The following LPIN2 variants were observed in gnomAD, a reference collection of about 807,000 sequenced individuals.
LPIN2 encodes lipin 2.
A neutral mutation model predicts 111.4 loss-of-function variants in LPIN2; 55 were observed. That is an observed-to-expected ratio of 0.49 (90% CI 0.40 to 0.62). LPIN2 has a LOEUF of 0.62. LPIN2 is among the 20% of genes least tolerant of loss of function. The pLI is 0.00. For synonymous variants in LPIN2, 425 were observed against 414.0 expected (o/e 1.03, Z -0.32); for missense variants, 992 against 1,112.1 (o/e 0.89, Z 1.54).
At chr18:2,986,709 C>T (rs1377922519) in intron 1 of LPIN2, among the ~76,000 whole-genome samples, 1 of 152,176 alleles carries the variant, frequency 6.6e-6, no homozygotes. Flanking sequence ...ACCCTTCCAA[C>T]ACAAATGTTT....
intron 1 of LPIN2, among the ~76,000 whole-genome samples, chr18:2,986,664 T>A (rs1046848554): frequency 4.7e-4 from 71 of 152,304 alleles, no homozygotes; most frequent in African/African-American, 1.7e-3. Context: ...CATCGCAGTT[T>A]AAGGAGCTTA....
intron 1 of LPIN2, chr18:2,982,863 GCAGA>G: frequency 2.2e-6 from 1 of 454,168 alleles, no homozygotes; most frequent in Non-Finnish European, 4.2e-6. Flanking sequence ...CAAACTGCTT[GCAGA>G]CACAGTTATA....
chr18:3,004,871 G>T (rs766720127), intron 1 of LPIN2, among the ~76,000 whole-genome samples: 1 of 152,152 alleles, frequency 6.6e-6, no homozygotes, highest in African/African-American at 2.4e-5. Context: ...GGTTTACCTT[G>T]TCCAACTCAT....
chr18:3,002,715 C>T (rs1461815194), intron 1 of LPIN2, among the ~76,000 whole-genome samples: 2 of 152,162 alleles, frequency 1.3e-5, no homozygotes, highest in Non-Finnish European at 2.9e-5. Flanking sequence ...CAATGTTTTT[C>T]TTTGAGATAA....
Position 2,951,068 on chromosome 18 carries a change from C to T in LPIN2, c.577G>A (p.Ala193Thr), listed in dbSNP as rs539324906. 7 of 1,614,018 alleles carry T rather than the reference C, an allele frequency of 4.3e-6. No homozygotes were observed. Among genetic ancestry groups the T allele is most frequent in the Admixed American group, 3.3e-5 (2 of 60,004 alleles). ...VGVSSDDDKG[A>T]QAARGSSNAS... ...TGAGAGTCCTACCGTGCTGCCTGGG[C>T]CCCCTTGTCATCATCGGAGCTCACG... The change falls in exon 4 of 20, where the codon GCC (alanine) becomes ACC (threonine). Residue 193 changes from alanine (A) to threonine (T), a missense_variant. Ala to Thr is a moderately conservative substitution (Grantham distance 58, BLOSUM62 0). Transcript: ENST00000677752.
chr18:3,007,446 C>T lies in LPIN2; in HGVS notation c.-10+5641G>A, dbSNP rs561045782. Among the ~76,000 whole-genome samples, 5 of 152,366 alleles carry T rather than the reference C, an allele frequency of 3.3e-5. No homozygotes were observed. The South Asian group carries it at 8.3e-4, about 25-fold the overall frequency. On this transcript the variant is annotated intron_variant, in intron 1 of 19. Transcript: ENST00000677752. ...TGGGCCTCCCAAAGTGCTGGGATTA[C>T]AGGCGTAAGCCACCACACCTATCCA...
chr18:3,006,400 C>G (rs570009137), intron 1 of LPIN2, among the ~76,000 whole-genome samples: 1 of 152,274 alleles, frequency 6.6e-6, no homozygotes, highest in South Asian at 2.1e-4. Context: ...GAAGATCAGT[C>G]CTTTCTTACA....
chr18:2,986,827 C>T (rs1482752524), intron 1 of LPIN2, among the ~76,000 whole-genome samples: 1 of 152,168 alleles, frequency 6.6e-6, no homozygotes, highest in Non-Finnish European at 1.5e-5. Context: ...AGCTGAACAG[C>T]CTAATTTAGG....
rs1339328320 is a variant in LPIN2, at chr18:2,928,665, G to C, written c.1551-5C>G. ...GCCAAAGCCCAGTTATAGTAACTGT[G>C]AGAAACAAAAATTGTGCAAAACCAT... On this transcript the variant is annotated splice_region_variant and splice_polypyrimidine_tract_variant and intron_variant, in intron 10 of 19. Coordinates refer to ENST00000677752, the MANE Select transcript of LPIN2 (RefSeq NM_001375808.2). 1 of 1,605,832 alleles carries C rather than the reference G, an allele frequency of 6.2e-7. No individual in the cohort carries two copies. Among genetic ancestry groups the C allele is most frequent in the East Asian group, 2.3e-5 (1 of 44,390 alleles).
chr18:2,920,302 G>C lies in LPIN2; in HGVS notation c.2682C>G (p.Asp894Glu). ...RDPIPEVDLD[D>E]LS The stretch of plus-strand genomic sequence containing the variant: ...CCACTGAGGTGCCGCCTCAAGACAG[G>C]TCATCCAGGTCCACTTCAGGGATCG... Residue 894 changes from aspartate (D) to glutamate (E), a missense_variant, in exon 20 of 20, where the codon GAC becomes GAG. Physicochemically the swap from Asp to Glu is conservative, Grantham distance 45. Around this residue, in one of 4 missense-constraint regions of LPIN2, gnomAD observed 185 missense variants for 186.5 expected, o/e 0.99. Coordinates refer to ENST00000677752, the MANE Select transcript of LPIN2 (RefSeq NM_001375808.2). 1 of 1,614,160 alleles carries C rather than the reference G, an allele frequency of 6.2e-7. No individual in the cohort carries two copies. Among genetic ancestry groups the C allele is most frequent in the Non-Finnish European group, 8.5e-7 (1 of 1,180,044 alleles).
At chr18:3,003,838 G>A (rs374302377) in intron 1 of LPIN2, among the ~76,000 whole-genome samples, 1 of 152,156 alleles carries the variant, frequency 6.6e-6, no homozygotes, top group East Asian at 1.9e-4. Flanking sequence ...CTGCCTGCGG[G>A]GTCGGGCAGA....
chr18:2,950,887 T>C (rs536136817), intron 4 of LPIN2, among the ~76,000 whole-genome samples, 168 bp downstream of exon 4: 1 of 152,292 alleles, frequency 6.6e-6, no homozygotes, highest in South Asian at 2.1e-4. Context: ...TATAGAATAG[T>C]TGAAAGGAAC....
At chr18:2,958,158 C>CAA (rs1555678271) in intron 2 of LPIN2, among the ~76,000 whole-genome samples, 7 of 35,362 alleles carry the variant, frequency 2.0e-4, no homozygotes, top group South Asian at 2.1e-3. Context: ...AAAAAAAAAA[C>CAA]AACAAAAAAA....
chr18:3,012,575 G>T (rs2078623814), intron 1 of LPIN2, among the ~76,000 whole-genome samples: 1 of 152,206 alleles, frequency 6.6e-6, no homozygotes. Context: ...AAGCGCGGCG[G>T]GGAAGAAACA....
intron 1 of LPIN2, among the ~76,000 whole-genome samples, chr18:3,000,063 G>T (rs1390790633): frequency 4.0e-5 from 6 of 148,732 alleles, no homozygotes; most frequent in Non-Finnish European, 5.9e-5. Context: ...AAGAAGAGGA[G>T]GAGGAGGAGG....
At chr18:2,944,313 T>C (rs569257314) in intron 4 of LPIN2, among the ~76,000 whole-genome samples, 1 of 147,752 alleles carries the variant, frequency 6.8e-6, no homozygotes, top group Admixed American at 6.7e-5. Flanking sequence ...TTTTCTGATA[T>C]CCTAATGTAT....
At chr18:2,984,240 G>C (rs2078154456) in intron 1 of LPIN2, among the ~76,000 whole-genome samples, 1 of 152,150 alleles carries the variant, frequency 6.6e-6, no homozygotes. Context: ...CTTGCATGCA[G>C]CATGTTTTCC....
chr18:2,920,665 T>A (rs1193606204), intron 19 of LPIN2, 113 bp downstream of exon 19: 8 of 856,046 alleles, frequency 9.3e-6, no homozygotes, highest in African/African-American at 3.3e-5. Flanking sequence ...ATGTAGCTGA[T>A]CCTTTGATCA....
chr18:3,006,431 C>T (rs2078516137), intron 1 of LPIN2, among the ~76,000 whole-genome samples: 1 of 152,248 alleles, frequency 6.6e-6, no homozygotes, highest in Admixed American at 6.5e-5. Flanking sequence ...TGACCGGGCA[C>T]AGTGGCTCAC....
Sources: allele counts gnomAD v4.1 joint callset (sites outside exome capture counted in the v4.1 genomes callset), GRCh38; gene constraint gnomAD v4.1.1; regional missense constraint gnomAD v4.1.1; transcripts MANE v1.5; gene names NCBI Gene and HGNC (gene_info 2026-07-23, HGNC 2026-07-21).